Variants in IRS1 observed in about 807,000 individuals in gnomAD.
IRS1 encodes insulin receptor substrate 1.
In IRS1, 34 loss-of-function variants were observed where a neutral mutation model predicts 65.6. The ratio of observed to expected loss-of-function variants is 0.52; its 90% confidence interval spans 0.39 to 0.69. The LOEUF (loss-of-function observed/expected upper bound fraction) is 0.69. Among genes scored for constraint, IRS1 ranks in the 30% least tolerant of loss-of-function variants. The pLI is 0.00. For missense variants in IRS1, 1,641 were observed against 1,720.2 expected, an observed-to-expected ratio of 0.95 and a Z score of 0.81; for synonymous variants, 699 against 683.5, an observed-to-expected ratio of 1.02 and a Z score of -0.35.
In IRS1 at chr2:226,789,268, A is replaced by G. The variant is rs75856611; in HGVS notation, c.*21+5721T>C. ...GGAGTTTCTTAAGAGGCAACAGACT[A>G]TTTTAATGACTTGTGAAATCCACAT... On this transcript the variant is annotated intron_variant, in intron 1 of 1. Coordinates refer to ENST00000305123, the MANE Select transcript of IRS1 (RefSeq NM_005544.3). 6.2e-3 allele frequency among the ~76,000 whole-genome samples: 949 copies of G among 152,358 alleles called. 8 individuals are homozygous for G. Among genetic ancestry groups the G allele is most frequent in the African/African-American group, 0.022 (906 of 41,578 alleles).
intron 1 of IRS1, among the ~76,000 whole-genome samples, chr2:226,759,607 C>T (rs1938874774): frequency 6.6e-6 from 1 of 152,170 alleles, no homozygotes; most frequent in Non-Finnish European, 1.5e-5. Context: ...CAGAGAAACA[C>T]TTTTATGATT....
chr2:226,782,322 A>G (rs533094195), intron 1 of IRS1, among the ~76,000 whole-genome samples: 37 of 152,318 alleles, frequency 2.4e-4, no homozygotes, highest in African/African-American at 8.9e-4. Flanking sequence ...GCAAAATGTA[A>G]ATAGTAGCTG....
chr2:226,783,581 G>A (rs1939428823), intron 1 of IRS1, among the ~76,000 whole-genome samples: 3 of 152,176 alleles, frequency 2.0e-5, no homozygotes, highest in Non-Finnish European at 4.4e-5. Flanking sequence ...AAAAAAAGTA[G>A]TATGAAGGAA....
intron 1 of IRS1, among the ~76,000 whole-genome samples, chr2:226,765,737 CCGTAAAAGAACTATG>C (rs920446302): frequency 6.6e-6 from 1 of 152,080 alleles, no homozygotes; most frequent in African/African-American, 2.4e-5. Flanking sequence ...TCTGCCACTT[CCGTAAAAGAACTATG>C]CAGGATGTCT....
chr2:226,757,967 A>G (rs1379720237), intron 1 of IRS1, among the ~76,000 whole-genome samples: 1 of 152,264 alleles, frequency 6.6e-6, no homozygotes, highest in African/African-American at 2.4e-5. Context: ...TATGGTTTGT[A>G]GTTAATAAGA....
Position 226,797,955 on chromosome 2 carries a change from C to G in IRS1, c.784G>C (p.Asp262His), listed in dbSNP as rs142105312. 163 of 1,614,014 alleles carry G rather than the reference C, an allele frequency of 1.0e-4. 1 individual carries two copies. Among genetic ancestry groups the G allele is most frequent in the Non-Finnish European group, 1.2e-4 (146 of 1,180,022 alleles). The change falls in exon 1 of 2, where the codon GAT becomes CAT. Residue 262 changes from aspartate (D) to histidine (H), a missense_variant. Physicochemically the swap from Asp to His is moderately conservative, Grantham distance 81 (BLOSUM62 -1). This residue lies in a region of IRS1 where 1,324 missense variants were observed against 1,361.0 expected (regional missense o/e 0.97). Coordinates refer to ENST00000305123, the MANE Select transcript of IRS1 (RefSeq NM_005544.3). The surrounding 1 kb of genome is among the most constrained non-coding windows in gnomAD (Gnocchi z 8.1). ...TILEAMRAMSDEFRPRSKSQS... is the reference protein window; with the variant it reads ...TILEAMRAMSHEFRPRSKSQS... Reference sequence around the variant, plus strand: ...CTCTTGCTGCGAGGGCGGAACTCATCACTCATGGCCCGCATGGCCTCCAGG... The same window carrying G: ...CTCTTGCTGCGAGGGCGGAACTCATGACTCATGGCCCGCATGGCCTCCAGG...
At chr2:226,766,023 G>A (rs1243727759) in intron 1 of IRS1, among the ~76,000 whole-genome samples, 2 of 144,766 alleles carry the variant, frequency 1.4e-5, no homozygotes, top group East Asian at 4.0e-4. Context: ...TTTCAACTTC[G>A]ACTTCTTGTT....
chr2:226,784,612 G>C (rs775507419), intron 1 of IRS1, among the ~76,000 whole-genome samples: 1 of 152,014 alleles, frequency 6.6e-6, no homozygotes, highest in South Asian at 2.1e-4. Flanking sequence ...TAGTAGAGAC[G>C]GGGTTTCGCC....
chr2:226,796,233 C>T lies in IRS1; in HGVS notation c.2506G>A (p.Val836Ile), dbSNP rs756141063. Residue 836 changes from valine (V) to isoleucine (I), a missense_variant, in exon 1 of 2, where the codon GTT becomes ATT. Physicochemically the swap from Val to Ile is conservative, Grantham distance 29. Transcript: ENST00000305123. ...EPSLPHPHHQ[V>I]LQPHLPRKVD... ...TTTCGAGGCAGATGGGGCTGCAGAA[C>T]CTGATGGTGGGGATGTGGAAGGCTG... 6.2e-7 allele frequency: 1 copy of T among 1,613,462 alleles called. No individual in the cohort carries two copies. Among genetic ancestry groups the T allele is most frequent in the Admixed American group, 1.7e-5 (1 of 60,012 alleles).
intron 1 of IRS1, among the ~76,000 whole-genome samples, chr2:226,784,205 T>G (rs552921961): frequency 2.0e-5 from 3 of 152,270 alleles, no homozygotes; most frequent in African/African-American, 7.2e-5. Context: ...AGCTAAATGA[T>G]ATATACACCT....
At chr2:226,756,442 T>C (rs572510525) in intron 1 of IRS1, among the ~76,000 whole-genome samples, 65 of 152,308 alleles carry the variant, frequency 4.3e-4, no homozygotes, top group Non-Finnish European at 1.2e-4. Flanking sequence ...GGCTCTGGTG[T>C]TAATGCATGC....
In IRS1 at chr2:226,796,308, T is replaced by C; in HGVS notation, c.2431A>G (p.Thr811Ala). ...AATADDSSSS[T>A]SSDSLGGGYC... is the part of the protein sequence containing the mutation. ...CCCCCACCCAGGCTGTCGCTGCTGG[T>C]GGAAGAGGAAGAATCATCTGCTGTT... is the stretch of plus-strand genomic sequence containing the variant. Residue 811 changes from threonine to alanine, a missense_variant, in exon 1 of 2, where the codon ACC becomes GCC. By Grantham distance (58) the Thr-to-Ala change is moderately conservative. Around this residue, in one of 3 missense-constraint regions of IRS1, gnomAD observed 1,324 missense variants for 1,361.0 expected, o/e 0.97. Coordinates refer to ENST00000305123, the MANE Select transcript of IRS1 (RefSeq NM_005544.3). The C allele has an allele frequency of 6.2e-7, 1 of 1,613,394 alleles. No homozygotes were observed. The highest frequency in any genetic ancestry group is 8.5e-7 in the Non-Finnish European group (1 of 1,180,024).
In IRS1 at chr2:226,760,070, G is replaced by T. The variant is rs532713467; in HGVS notation, c.*22-23820C>A. On this transcript the variant is annotated intron_variant, in intron 1 of 1. Transcript: ENST00000305123. Reference sequence around the variant, plus strand: ...GCATGCCTGTAGTCCCAGCTACTTGGGGGGCTGGGGCTGGAGGATCGCTTA... The same window carrying T: ...GCATGCCTGTAGTCCCAGCTACTTGTGGGGCTGGGGCTGGAGGATCGCTTA... Among the ~76,000 whole-genome samples the T allele has an allele frequency of 3.3e-5, 5 of 152,260 alleles. No individual in the cohort carries two copies. The East Asian group carries it at 7.7e-4, about 24-fold the overall frequency.
At chr2:226,749,618 C>A (rs1938632436) in intron 1 of IRS1, among the ~76,000 whole-genome samples, 1 of 152,212 alleles carries the variant, frequency 6.6e-6, no homozygotes, top group South Asian at 2.1e-4. Flanking sequence ...CCTCCTCCGT[C>A]TGCCTTCAAC....
chr2:226,737,699 T>G (rs1445968769), intron 1 of IRS1, among the ~76,000 whole-genome samples: 6 of 152,246 alleles, frequency 3.9e-5, no homozygotes, highest in Non-Finnish European at 7.4e-5. Flanking sequence ...TCTAGACACA[T>G]GGAGGATGGA....
Position 226,732,468 on chromosome 2 carries a change from C to CTATATATATATATATATA in IRS1, c.*3786_*3803dup, listed in dbSNP as rs34148710. 3 of 133,236 alleles carry CTATATATATATATATATA rather than the reference C, an allele frequency of 2.3e-5. No individual in the cohort carries two copies. The highest frequency in any genetic ancestry group is 8.2e-5 in the African/African-American group (3 of 36,792). The allele number at this position is 133,236 out of a possible 1,614,324, so 8.3% of individuals were successfully genotyped here. A position where few individuals can be genotyped will look rare whatever the true frequency, so the allele number is the denominator to read the frequency against. ...TCAAGTTTCTCACAAGCCTATACAT[C>CTATATATATATATATATA]TATATATATATATATATATATATAC... On this transcript the variant is annotated 3_prime_UTR_variant, in exon 2 of 2. Transcript: ENST00000305123.
chr2:226,769,818 G>A (rs908413698), intron 1 of IRS1, among the ~76,000 whole-genome samples: 1 of 151,948 alleles, frequency 6.6e-6, no homozygotes, highest in South Asian at 2.1e-4. Flanking sequence ...TGAATTTATC[G>A]GTCCATTCAC....
Position 226,799,617 on chromosome 2 carries a change from T to G in IRS1, c.-879A>C. Reference sequence around the variant, plus strand: ...TTGGGAAGGGTTCGGGGAAGACGCCTGTTCCTCGGGAGGCGCTGCCGCTGC... The same window carrying G: ...TTGGGAAGGGTTCGGGGAAGACGCCGGTTCCTCGGGAGGCGCTGCCGCTGC... On this transcript the variant is annotated 5_prime_UTR_variant, in exon 1 of 2. Transcript: ENST00000305123. The surrounding 1 kb of genome is among the most constrained non-coding windows in gnomAD (Gnocchi z 6.1). 6.0e-6 allele frequency: 6 copies of G among 1,003,920 alleles called. No homozygotes were observed. Among genetic ancestry groups the G allele is most frequent in the Non-Finnish European group, 7.2e-6 (6 of 832,522 alleles). 62.2% of individuals were successfully genotyped at this position (1,003,920 alleles called of 1,614,324 possible).
intron 1 of IRS1, among the ~76,000 whole-genome samples, chr2:226,779,764 G>A (rs868341628): frequency 5.3e-5 from 8 of 152,216 alleles, no homozygotes; most frequent in South Asian, 4.1e-4. Context: ...CTACAGTAGC[G>A]GACACACCAG....
Sources: allele counts gnomAD v4.1 joint callset (sites outside exome capture counted in the v4.1 genomes callset), GRCh38; gene constraint gnomAD v4.1.1; regional missense constraint gnomAD v4.1.1; non-coding constraint Gnocchi (gnomAD v3.1); transcripts MANE v1.5; gene names NCBI Gene and HGNC (gene_info 2026-07-23, HGNC 2026-07-21).